DNAH5: variants seen among roughly 807,000 people sequenced by gnomAD.
The protein encoded by DNAH5 is dynein axonemal heavy chain 5.
Under a neutral mutation model 518.2 loss-of-function variants are expected in DNAH5, and 372 were observed. The ratio of observed to expected loss-of-function variants is 0.72; its 90% confidence interval spans 0.66 to 0.78. DNAH5 has a LOEUF of 0.78. Among genes scored for constraint, DNAH5 ranks in the 30% least tolerant of loss-of-function variants. The pLI is 0.00. For synonymous variants in DNAH5, 2,039 were observed against 2,025.9 expected (o/e 1.01, Z -0.17); for missense variants, 5,523 against 5,687.0 (o/e 0.97, Z 0.93).
At position 13,830,223 on chromosome 5, in the gene DNAH5, G is replaced by T; in HGVS notation, c.6062-10C>A. On this transcript the variant is annotated splice_polypyrimidine_tract_variant and intron_variant, in intron 36 of 78. Transcript: ENST00000265104. ...CCAGACTGTGCCAGTCCTTCGAAAG[G>T]AAATTAAATGAAAAATCCAATTAGT... 1 of 1,611,226 alleles carries T rather than the reference G, an allele frequency of 6.2e-7. No individual in the cohort carries two copies. Among genetic ancestry groups the T allele is most frequent in the Non-Finnish European group, 8.5e-7 (1 of 1,177,620 alleles).
chr5:13,799,375 C>G (rs180700863), intron 47 of DNAH5, among the ~76,000 whole-genome samples: 5 of 152,218 alleles, frequency 3.3e-5, no homozygotes, highest in Admixed American at 6.5e-5. Flanking sequence ...GAAGCTTTCT[C>G]AAGAGCTAAA....
Position 13,707,952 on chromosome 5 carries a change from A to T in DNAH5, c.13338+171T>A, listed in dbSNP as rs1285016829. On this transcript the variant is annotated intron_variant, in intron 76 of 78. Coordinates refer to ENST00000265104, the MANE Select transcript of DNAH5 (RefSeq NM_001369.3). The surrounding 1 kb of genome is among the most constrained non-coding windows in gnomAD (Gnocchi z 4.0). ...GAACCTGATTCGTGGGATTTGCTAA[A>T]AAAAAACTTCCTTCCCTACCTATGG... 1.3e-5 allele frequency among the ~76,000 whole-genome samples: 2 copies of T among 152,188 alleles called. No homozygotes were observed. The highest frequency in any genetic ancestry group is 2.9e-5 in the Non-Finnish European group (2 of 68,028).
intron 29 of DNAH5, among the ~76,000 whole-genome samples, chr5:13,861,683 A>T (rs6898342): frequency 6.6e-6 from 1 of 151,678 alleles, no homozygotes; most frequent in Non-Finnish European, 1.5e-5. Flanking sequence ...GTGGACAGGC[A>T]CAGTGGCTCA....
At chr5:13,810,391 T>A (rs1760462906) in intron 44 of DNAH5, 131 bp from the exon 45 acceptor site, 4 of 794,598 alleles carry the variant, frequency 5.0e-6, no homozygotes, top group South Asian at 1.5e-5. Context: ...AAAGGATGAA[T>A]ACAACTGGAG....
intron 52 of DNAH5, among the ~76,000 whole-genome samples, chr5:13,781,973 A>C (rs1755217396): frequency 6.6e-6 from 1 of 152,170 alleles, no homozygotes; most frequent in African/African-American, 2.4e-5. Flanking sequence ...CTTGTGGCAG[A>C]AGTCCATGTT....
chr5:13,890,238 CTCTACTAAAATACAAAAAA>C (rs1443042309), intron 17 of DNAH5, among the ~76,000 whole-genome samples: 1 of 152,072 alleles, frequency 6.6e-6, no homozygotes, highest in Non-Finnish European at 1.5e-5. Context: ...GAAACCCCAT[CTCTACTAAAATACAAAAAA>C]TTAGGCAGGC....
In DNAH5 at chr5:13,793,924, G is replaced by T; in HGVS notation, c.8010+12C>A. On this transcript the variant is annotated intron_variant, in intron 48 of 78. Coordinates refer to ENST00000265104, the MANE Select transcript of DNAH5 (RefSeq NM_001369.3). ...AATTAAAGAAATAAAATGCACAATAGAATGATGATACCTGATCTCCCCACT... is the reference window on the plus strand; with the variant it reads ...AATTAAAGAAATAAAATGCACAATATAATGATGATACCTGATCTCCCCACT... The T allele has an allele frequency of 1.2e-6, 2 of 1,613,598 alleles. No individual in the cohort carries two copies. Among genetic ancestry groups the T allele is most frequent in the Non-Finnish European group, 1.7e-6 (2 of 1,179,726 alleles).
At position 13,803,050 on chromosome 5, in the gene DNAH5, G is replaced by A. The variant is rs572665333; in HGVS notation, c.7887+4541C>T. On this transcript the variant is annotated intron_variant, in intron 47 of 78. Transcript: ENST00000265104. ...TTAATGATATATAATATATATGAAA[G>A]CAATTCATGAGCTTAATGTAGTATA... is the stretch of plus-strand genomic sequence containing the variant. Among the ~76,000 whole-genome samples the A allele has an allele frequency of 3.3e-5, 5 of 150,040 alleles. No individual in the cohort carries two copies. In the East Asian group the frequency reaches 9.7e-4, roughly 29 times the overall value.
intron 32 of DNAH5, 146 bp from the exon 33 acceptor site, chr5:13,842,050 T>C (rs201024700): frequency 5.8e-6 from 3 of 521,652 alleles, no homozygotes; most frequent in Non-Finnish European, 9.9e-6. Context: ...TTCAAAACAA[T>C]AAAAAAAAAA....
intron 31 of DNAH5, among the ~76,000 whole-genome samples, chr5:13,847,755 G>C (rs1766218072): frequency 6.6e-6 from 1 of 151,408 alleles, no homozygotes; most frequent in East Asian, 1.9e-4. Flanking sequence ...AAAAAATAAA[G>C]GGGGGATTTC....
intron 68 of DNAH5, among the ~76,000 whole-genome samples, chr5:13,729,860 A>C (rs1039976629): frequency 6.6e-6 from 1 of 152,228 alleles, no homozygotes; most frequent in Non-Finnish European, 1.5e-5. Flanking sequence ...TCTAATTCCA[A>C]ATTAGTAAAA....
chr5:13,875,399 A>G lies in DNAH5; in HGVS notation c.3396+1285T>C, dbSNP rs137970441. Among the ~76,000 whole-genome samples, 513 of 147,618 alleles carry G rather than the reference A, an allele frequency of 3.5e-3. 4 individuals carry two copies. Among genetic ancestry groups the G allele is most frequent in the African/African-American group, 0.012 (492 of 40,154 alleles). ...GGAGAATCGCTTGAACCTGGGATGC[A>G]GAGGTTGCAGTGAGCCAAGATTGCA... On this transcript the variant is annotated intron_variant, in intron 22 of 78. Coordinates refer to ENST00000265104, the MANE Select transcript of DNAH5 (RefSeq NM_001369.3).
chr5:13,773,786 G>C (rs143876636), intron 55 of DNAH5, among the ~76,000 whole-genome samples: 2 of 152,134 alleles, frequency 1.3e-5, no homozygotes, highest in East Asian at 1.9e-4. Flanking sequence ...ACCTGGCTTG[G>C]GGGGAAACGG....
intron 65 of DNAH5, among the ~76,000 whole-genome samples, chr5:13,742,369 C>CT (rs1323847283): frequency 1.6e-5 from 2 of 126,980 alleles, no homozygotes; most frequent in Non-Finnish European, 1.8e-5. Context: ...ATGGACTACT[C>CT]TAACAAAACT....
intron 1 of DNAH5, among the ~76,000 whole-genome samples, chr5:13,989,646 G>A (rs1237784190): frequency 6.6e-6 from 1 of 151,946 alleles, no homozygotes. Context: ...ATCACACCCG[G>A]CTAATTTTTT....
At chr5:13,880,662 G>C (rs1771530673) in intron 21 of DNAH5, among the ~76,000 whole-genome samples, 1 of 151,600 alleles carries the variant, frequency 6.6e-6, no homozygotes, top group African/African-American at 2.4e-5. Context: ...GTAAGCCTCA[G>C]GGTAAACATA....
chr5:13,956,748 G>A (rs1056493903), intron 1 of DNAH5, among the ~76,000 whole-genome samples: 3 of 152,170 alleles, frequency 2.0e-5, no homozygotes, highest in African/African-American at 7.2e-5. Context: ...TGCATAGCAG[G>A]TGCTCTTTTT....
chr5:13,756,525 G>A (rs918685440), intron 61 of DNAH5, among the ~76,000 whole-genome samples: 1 of 152,056 alleles, frequency 6.6e-6, no homozygotes, highest in Non-Finnish European at 1.5e-5. Flanking sequence ...AAAGTGAGAA[G>A]GTAAAGTATT....
intron 70 of DNAH5, among the ~76,000 whole-genome samples, chr5:13,723,461 A>G (rs1040180622): frequency 6.6e-6 from 1 of 152,244 alleles, no homozygotes; most frequent in Non-Finnish European, 1.5e-5. Flanking sequence ...GGGGCTCAAC[A>G]TGGCCAGTTC....
Sources: gnomAD v4.1 joint callset for allele counts (sites outside exome capture counted in the v4.1 genomes callset) on GRCh38, gnomAD v4.1.1 for gene constraint, Gnocchi (gnomAD v3.1) non-coding constraint, MANE v1.5 for transcripts, NCBI Gene and HGNC (gene_info 2026-07-23, HGNC 2026-07-21) for gene names.